The following ACYP2 variants were observed in gnomAD, a reference collection of about 807,000 sequenced individuals.
The protein encoded by ACYP2 is acylphosphatase 2, also known as acylphosphatase-2.
Under a neutral mutation model 11.2 loss-of-function variants are expected in ACYP2, and 12 were observed. That is an observed-to-expected ratio of 1.08 (90% CI 0.69 to 1.74). ACYP2 has a LOEUF of 1.74. Among genes scored for constraint, ACYP2 ranks in the 40% most tolerant of loss-of-function variants. The probability of loss-of-function intolerance (pLI) is 0.00; values close to 1 mark genes in which losing one functional copy is unlikely to be tolerated. For missense variants in ACYP2, 134 were observed against 101.9 expected (o/e 1.31, Z -1.35); for synonymous variants, 43 against 32.2 (o/e 1.33, Z -1.13).
At chr2:54,116,701 TC>T (rs1679823251) in intron 4 of ACYP2, among the ~76,000 whole-genome samples, 1 of 152,084 alleles carries the variant, frequency 6.6e-6, no homozygotes, top group Admixed American at 6.6e-5. Context: ...CAATTTTACC[TC>T]TATAGAAGGG....
chr2:54,125,002 C>T (rs750978585), intron 4 of ACYP2, among the ~76,000 whole-genome samples: 1 of 152,130 alleles, frequency 6.6e-6, no homozygotes, highest in Non-Finnish European at 1.5e-5. Flanking sequence ...ATTCATCTGC[C>T]TTGTCTTCCC....
chr2:54,119,116 C>T (rs1679994190), intron 4 of ACYP2, among the ~76,000 whole-genome samples: 1 of 120,396 alleles, frequency 8.3e-6, no homozygotes, highest in South Asian at 2.9e-4. Flanking sequence ...CGGGCAAGAT[C>T]ATAGCTCACT....
intron 4 of ACYP2, among the ~76,000 whole-genome samples, chr2:54,101,220 G>T (rs1458080492): frequency 6.6e-6 from 1 of 152,204 alleles, no homozygotes; most frequent in African/African-American, 2.4e-5. Context: ...AAGACTGCAT[G>T]TGAATCATCA....
At chr2:54,088,207 G>A (rs1019903203) in intron 4 of ACYP2, among the ~76,000 whole-genome samples, 1 of 152,200 alleles carries the variant, frequency 6.6e-6, no homozygotes, top group Non-Finnish European at 1.5e-5. Context: ...GAGAGTGTTA[G>A]GGCAAAGTAA....
intron 5 of ACYP2, among the ~76,000 whole-genome samples, chr2:54,138,105 G>T (rs561513337): frequency 1.3e-5 from 2 of 151,876 alleles, no homozygotes; most frequent in Admixed American, 1.3e-4. Flanking sequence ...CCATGTCCTT[G>T]CCTACTTTTT....
chr2:54,255,381 G>C, intron 6 of ACYP2: 1 of 1,614,116 alleles, frequency 6.2e-7, no homozygotes, highest in Non-Finnish European at 8.5e-7. Context: ...GTGGGTGGTG[G>C]CGGAAAGCAG....
At position 53,992,937 on chromosome 2, in the gene ACYP2, C is replaced by T. The variant is rs1002543860; in HGVS notation, c.62+19127C>T. Among the ~76,000 whole-genome samples, 13 of 151,064 alleles carry T rather than the reference C, an allele frequency of 8.6e-5. No individual in the cohort carries two copies. The South Asian group carries it at 1.1e-3, about 12-fold the overall frequency. On this transcript the variant is annotated intron_variant, in intron 2 of 6. Coordinates refer to ENST00000607452, the MANE Select transcript of ACYP2 (RefSeq NM_001320586.2). ...GGTTTTATGGCCAGCCATGGTGGCTCACTCACACCTGTAATCCCAGCACTT... is the reference window on the plus strand; with the variant it reads ...GGTTTTATGGCCAGCCATGGTGGCTTACTCACACCTGTAATCCCAGCACTT...
At chr2:54,132,252 G>C (rs1680946848) in intron 4 of ACYP2, among the ~76,000 whole-genome samples, 1 of 152,120 alleles carries the variant, frequency 6.6e-6, no homozygotes, top group Non-Finnish European at 1.5e-5. Flanking sequence ...TGGTTGACCT[G>C]AAGTTTCTGG....
intron 4 of ACYP2, among the ~76,000 whole-genome samples, chr2:54,101,663 G>A (rs1489840992): frequency 8.3e-6 from 1 of 120,836 alleles, no homozygotes; most frequent in Admixed American, 8.8e-5. Context: ...TACAGAGGGA[G>A]ACTGTCTCAA....
chr2:54,149,687 A>G (rs1682056949), intron 6 of ACYP2, among the ~76,000 whole-genome samples: 1 of 152,234 alleles, frequency 6.6e-6, no homozygotes, highest in Non-Finnish European at 1.5e-5. Flanking sequence ...CCAAATTCTA[A>G]AATTAAAATT....
At chr2:54,132,311 C>G (rs1458858123) in intron 4 of ACYP2, among the ~76,000 whole-genome samples, 2 of 152,150 alleles carry the variant, frequency 1.3e-5, no homozygotes, top group African/African-American at 4.8e-5. Context: ...TCTTCCCCTC[C>G]ATCTATATAA....
chr2:53,985,214 C>A (rs569544185), intron 2 of ACYP2, among the ~76,000 whole-genome samples: 40 of 151,914 alleles, frequency 2.6e-4, no homozygotes, highest in African/African-American at 9.2e-4. Flanking sequence ...GAACTACAGG[C>A]GCCTGCCGCC....
intron 2 of ACYP2, among the ~76,000 whole-genome samples, chr2:53,991,632 C>T (rs769828825): frequency 4.6e-5 from 7 of 151,844 alleles, no homozygotes; most frequent in Non-Finnish European, 8.8e-5. Context: ...GTCGAACTCC[C>T]GACCTCAGGT....
In ACYP2 at chr2:54,244,902, C is replaced by A. The variant is rs558472096; in HGVS notation, c.405-59786C>A. ...TTCTTTGTATTGGAAAAATTCAATA[C>A]CCTCTCTTCTAGCTATTTGAAAATA... On this transcript the variant is annotated intron_variant, in intron 6 of 6. Coordinates refer to ENST00000607452, the MANE Select transcript of ACYP2 (RefSeq NM_001320586.2). Among the ~76,000 whole-genome samples the A allele has an allele frequency of 6.6e-5, 10 of 152,130 alleles. No individual in the cohort carries two copies. In the East Asian group the frequency reaches 7.7e-4, roughly 12 times the overall value.
At chr2:54,120,744 C>T (rs996713982) in intron 4 of ACYP2, among the ~76,000 whole-genome samples, 11 of 152,104 alleles carry the variant, frequency 7.2e-5, no homozygotes, top group South Asian at 2.1e-4. Context: ...GTGGTCAGCC[C>T]GCAGCTGGTC....
At chr2:54,109,484 A>C (rs1043345711) in intron 4 of ACYP2, among the ~76,000 whole-genome samples, 4 of 152,184 alleles carry the variant, frequency 2.6e-5, no homozygotes, top group African/African-American at 9.7e-5. Context: ...GGATGGGTGC[A>C]CCAAAATCTC....
intron 2 of ACYP2, among the ~76,000 whole-genome samples, chr2:53,993,542 A>T (rs1261429068): frequency 1.3e-5 from 2 of 151,660 alleles, no homozygotes; most frequent in Admixed American, 1.3e-4. Context: ...TACTAAAAAT[A>T]CAAAATTAGC....
intron 4 of ACYP2, among the ~76,000 whole-genome samples, chr2:54,110,879 C>T (rs779120041): frequency 2.6e-5 from 4 of 151,974 alleles, no homozygotes; most frequent in Admixed American, 1.3e-4. Context: ...AGAGGAAAGG[C>T]TGTGGCTGGA....
At chr2:54,270,668 CTTATTTTTTCCTAAT>C (rs1688257390) in intron 6 of ACYP2, among the ~76,000 whole-genome samples, 1 of 151,988 alleles carries the variant, frequency 6.6e-6, no homozygotes. Flanking sequence ...TAATTACTAA[CTTATTTTTTCCTAAT>C]TTTATGATAG....
Sources: allele counts gnomAD v4.1 joint callset (sites outside exome capture counted in the v4.1 genomes callset), GRCh38; gene constraint gnomAD v4.1.1; transcripts MANE v1.5; gene names NCBI Gene and HGNC (gene_info 2026-07-23, HGNC 2026-07-21).